Variants in MTO1 observed in about 807,000 individuals in gnomAD.
The protein encoded by MTO1 is 5-taurinomethyluridine-[tRNA] synthase subunit MTO1, mitochondrial.
In MTO1, 46 loss-of-function variants were observed where a neutral mutation model predicts 71.6. The observed-to-expected ratio is 0.64, with a 90% CI of 0.51 to 0.82. MTO1 has a LOEUF of 0.82. MTO1 is among the 40% of genes least tolerant of loss of function. The pLI is 0.00. For missense variants in MTO1, 773 were observed against 867.5 expected (o/e 0.89, Z 1.37); for synonymous variants, 297 against 312.1 (o/e 0.95, Z 0.51).
At chr6:73,483,897 G>A (rs1437428944) in intron 9 of MTO1, among the ~76,000 whole-genome samples, 2 of 150,800 alleles carry the variant, frequency 1.3e-5, no homozygotes, top group East Asian at 3.9e-4. Context: ...TCCTGCCTCA[G>A]CCTCCTGAGT....
chr6:73,481,788 C>T (rs1306325487), intron 7 of MTO1, among the ~76,000 whole-genome samples: 1 of 152,024 alleles, frequency 6.6e-6, no homozygotes, highest in Admixed American at 6.6e-5. Context: ...AAAGATTAGT[C>T]CCCGCAGAGT....
At chr6:73,473,721 C>CTT (rs11417913) in intron 4 of MTO1, 67 bp downstream of exon 4, 54,949 of 840,256 alleles carry the variant, frequency 0.065, 26 homozygotes, top group South Asian at 0.082. Flanking sequence ...AGTACTGTAA[C>CTT]TTTTTTTTTT....
At chr6:73,498,208 C>T (rs1038132111) in intron 11 of MTO1, among the ~76,000 whole-genome samples, 14 of 150,690 alleles carry the variant, frequency 9.3e-5, no homozygotes, top group African/African-American at 3.2e-4. Context: ...GAGACCCTGT[C>T]TCAAAAAAAA....
intron 9 of MTO1, among the ~76,000 whole-genome samples, chr6:73,485,737 G>C (rs764361751): frequency 6.6e-6 from 1 of 151,920 alleles, no homozygotes; most frequent in Non-Finnish European, 1.5e-5. Flanking sequence ...CACTGTGCCT[G>C]GCCTTAGCCT....
At chr6:73,478,901 T>C (rs143613958) in intron 4 of MTO1, among the ~76,000 whole-genome samples, 2,661 of 150,768 alleles carry the variant, frequency 0.018, 42 homozygotes, top group Non-Finnish European at 0.031. Context: ...TCTTTTTTTT[T>C]TTTTTGAGAC....
At chr6:73,465,159 CTTTTT>C (rs1282049284) in intron 1 of MTO1, among the ~76,000 whole-genome samples, 1 of 151,300 alleles carries the variant, frequency 6.6e-6, no homozygotes, top group Non-Finnish European at 1.5e-5. Context: ...TTTGTTTTTT[CTTTTT>C]TCTTTTCTTT....
In MTO1 at chr6:73,466,388, C is replaced by T; in HGVS notation, c.397C>T (p.Leu133Phe). The T allele has an allele frequency of 1.2e-6, 2 of 1,614,164 alleles. No individual in the cohort carries two copies. Among genetic ancestry groups the T allele is most frequent in the Non-Finnish European group, 1.7e-6 (2 of 1,180,038 alleles). ...WGLRAQIDRK[L>F]YKQNMQKEIL... is the part of the protein sequence containing the mutation. ...TCTGAGAGCTCAGATTGATAGGAAA[C>T]TCTATAAACAGAACATGCAGGTAAG... The change falls in exon 2 of 12, where the codon CTC becomes TTC. Residue 133 changes from leucine to phenylalanine, a missense_variant. Leu to Phe is a conservative substitution (Grantham distance 22, BLOSUM62 0). Coordinates refer to ENST00000498286, the MANE Select transcript of MTO1 (RefSeq NM_012123.4).
chr6:73,486,780 G>T, intron 9 of MTO1: 1 of 182,988 alleles, frequency 5.5e-6, no homozygotes, highest in Non-Finnish European at 1.2e-5. Flanking sequence ...TTTTGTGACT[G>T]GCTTATTTCA....
chr6:73,506,585 G>A lies in MTO1; in HGVS notation c.*5850G>A, dbSNP rs1237527178. On this transcript the variant is annotated 3_prime_UTR_variant, in exon 12 of 12. Transcript: ENST00000498286. ...CTTCCTCAGCCATGTGGAACTTTGGGGACGAAAAGAGGTTTAATTGGACTT... is the reference window on the plus strand; with the variant it reads ...CTTCCTCAGCCATGTGGAACTTTGGAGACGAAAAGAGGTTTAATTGGACTT... The A allele has an allele frequency of 6.6e-6, 1 of 152,442 alleles. No individual in the cohort carries two copies. The highest frequency in any genetic ancestry group is 1.5e-5 in the Non-Finnish European group (1 of 68,454). The allele number at this position is 152,442 out of a possible 1,614,324, so 9.4% of individuals were successfully genotyped here.
intron 4 of MTO1, among the ~76,000 whole-genome samples, chr6:73,477,812 C>T (rs1771370646): frequency 6.6e-6 from 1 of 151,894 alleles, no homozygotes; most frequent in Admixed American, 6.6e-5. Flanking sequence ...TAGCCCAAAA[C>T]AACCTTTTTA....
At chr6:73,469,997 C>T (rs955734764) in intron 3 of MTO1, among the ~76,000 whole-genome samples, 4 of 151,468 alleles carry the variant, frequency 2.6e-5, no homozygotes. Flanking sequence ...AGCAAAACTC[C>T]GTCTCAAAAA....
chr6:73,464,410 C>CA (rs2150026044), intron 1 of MTO1, among the ~76,000 whole-genome samples: 2 of 152,122 alleles, frequency 1.3e-5, no homozygotes, highest in East Asian at 3.9e-4. Flanking sequence ...ATCTCTTTCA[C>CA]ACACACTCCT....
rs756179139 is a variant in MTO1, at chr6:73,468,850, C to T, written c.535+2244C>T. Among the ~76,000 whole-genome samples the T allele has an allele frequency of 2.6e-5, 4 of 152,076 alleles. No homozygotes were observed. The East Asian group carries it at 7.7e-4, about 29-fold the overall frequency. ...CTTGAACTCCTGACCTCAAGTGATC[C>T]GCCTACCTCCACCTCCCAAAGTGCT... On this transcript the variant is annotated intron_variant, in intron 3 of 11. Transcript: ENST00000498286.
At chr6:73,462,943 G>T (rs1324652335) in intron 1 of MTO1, among the ~76,000 whole-genome samples, 1 of 151,812 alleles carries the variant, frequency 6.6e-6, no homozygotes, top group African/African-American at 2.4e-5. Flanking sequence ...GGGATTGCAG[G>T]TGCTCAGTAC....
chr6:73,485,989 T>G (rs1322721210), intron 9 of MTO1, among the ~76,000 whole-genome samples: 1 of 152,142 alleles, frequency 6.6e-6, no homozygotes, highest in African/African-American at 2.4e-5. Context: ...AGAAATGTAT[T>G]GATGTGTTAG....
rs2150048088 is a variant in MTO1, at chr6:73,506,612, A to T, written c.*5877A>T. On this transcript the variant is annotated 3_prime_UTR_variant, in exon 12 of 12. Transcript: ENST00000498286. Reference sequence around the variant, plus strand: ...ACGAAAAGAGGTTTAATTGGACTTAAAGTTCCAATTAAAGTTTCAGGTATG... The same window carrying T: ...ACGAAAAGAGGTTTAATTGGACTTATAGTTCCAATTAAAGTTTCAGGTATG... 6.6e-6 allele frequency: 1 copy of T among 152,244 alleles called. No individual in the cohort carries two copies. The highest frequency in any genetic ancestry group is 2.4e-5 in the African/African-American group (1 of 41,416). 9.4% of individuals were successfully genotyped at this position (152,244 alleles called of 1,614,324 possible).
intron 9 of MTO1, among the ~76,000 whole-genome samples, chr6:73,491,250 G>T (rs1312350887): frequency 1.7e-5 from 2 of 119,530 alleles, no homozygotes; most frequent in Non-Finnish European, 3.4e-5. Context: ...TTGACATGTA[G>T]ATTATACCAA....
intron 10 of MTO1, among the ~76,000 whole-genome samples, chr6:73,497,112 GA>G (rs1162038409): frequency 6.8e-6 from 1 of 147,064 alleles, no homozygotes; most frequent in African/African-American, 2.5e-5. Context: ...AGCCTGTTGA[GA>G]AAAATGTTCC....
At chr6:73,462,165 T>C in intron 1 of MTO1, 94 bp downstream of exon 1, 1 of 1,331,894 alleles carries the variant, frequency 7.5e-7, no homozygotes. Context: ...CTTCCTTTCC[T>C]CAAAGCTAGT....
Sources: gnomAD v4.1 joint callset for allele counts (sites outside exome capture counted in the v4.1 genomes callset) on GRCh38, gnomAD v4.1.1 for gene constraint, MANE v1.5 for transcripts, NCBI Gene and HGNC (gene_info 2026-07-23, HGNC 2026-07-21) for gene names.